Variants in CLYBL observed in about 807,000 individuals in gnomAD.
The protein encoded by CLYBL is citramalyl-CoA lyase, mitochondrial.
CLYBL carries 31 observed loss-of-function variants against 38.9 expected under a neutral mutation model. That is an observed-to-expected ratio of 0.80 (90% confidence interval 0.60 to 1.08). The LOEUF (loss-of-function observed/expected upper bound fraction) is 1.08, where lower values mean the gene tolerates loss of function less well. Among genes scored for constraint, CLYBL ranks in the 50% least tolerant of loss-of-function variants. The probability of loss-of-function intolerance (pLI) is 0.00; values close to 1 mark genes in which losing one functional copy is unlikely to be tolerated. For synonymous variants in CLYBL, 171 were observed against 158.6 expected (o/e 1.08, Z -0.59); for missense variants, 434 against 411.6 (o/e 1.05, Z -0.47).
Position 99,709,837 on chromosome 13 carries a change from G to A in CLYBL, c.63-62987G>A, listed in dbSNP as rs1004174478. ...AGAAGCAGCTTTGTGGAGTGAAGCAGTAGGAAAGAGCCTGTTGGGGAGAGA... is the reference window on the plus strand; with the variant it reads ...AGAAGCAGCTTTGTGGAGTGAAGCAATAGGAAAGAGCCTGTTGGGGAGAGA... On this transcript the variant is annotated intron_variant, in intron 1 of 8. Transcript: ENST00000339105. Among the ~76,000 whole-genome samples, 7 of 151,412 alleles carry A rather than the reference G, an allele frequency of 4.6e-5. 1 individual carries two copies. Among genetic ancestry groups the A allele is most frequent in the Non-Finnish European group, 5.9e-5 (4 of 67,886 alleles).
At chr13:99,714,977 A>G (rs1184672780) in intron 1 of CLYBL, among the ~76,000 whole-genome samples, 2 of 152,098 alleles carry the variant, frequency 1.3e-5, no homozygotes, top group Non-Finnish European at 2.9e-5. Flanking sequence ...AATAAAAAGG[A>G]GGAACGTAAC....
chr13:99,782,725 C>T lies in CLYBL; in HGVS notation c.249+9715C>T, dbSNP rs892640274. ...CCCTTCCTCCCTTACATTTTTGCTT[C>T]CTTTTTGCTTGGTATAAGTTGTGTT... On this transcript the variant is annotated intron_variant, in intron 2 of 8. Transcript: ENST00000339105. Among the ~76,000 whole-genome samples the T allele has an allele frequency of 7.9e-5, 12 of 152,080 alleles. No homozygotes were observed. The South Asian group carries it at 1.0e-3, about 13-fold the overall frequency.
chr13:99,658,601 G>A (rs1428476621), intron 1 of CLYBL, among the ~76,000 whole-genome samples: 1 of 152,172 alleles, frequency 6.6e-6, no homozygotes, highest in Admixed American at 6.5e-5. Context: ...GACAGGCCTC[G>A]GCCACAGGCA....
chr13:99,770,053 T>A (rs1327407808), intron 1 of CLYBL, among the ~76,000 whole-genome samples: 1 of 151,742 alleles, frequency 6.6e-6, no homozygotes, highest in Non-Finnish European at 1.5e-5. Flanking sequence ...GCCAGGGTTT[T>A]AACTTTTCTT....
In CLYBL at chr13:99,679,868, A is replaced by G. The variant is rs552673257; in HGVS notation, c.62+73111A>G. Among the ~76,000 whole-genome samples the G allele has an allele frequency of 2.6e-5, 4 of 152,266 alleles. No individual in the cohort carries two copies. The East Asian group carries it at 7.7e-4, about 29-fold the overall frequency. ...CGTTATTAAACGTCATTCAAAGGAA[A>G]TGTTTGGCCAACTAGATCCTGATGT... On this transcript the variant is annotated intron_variant, in intron 1 of 8. Coordinates refer to ENST00000339105, the MANE Select transcript of CLYBL (RefSeq NM_206808.5).
chr13:99,813,627 T>C (rs1307341526), intron 2 of CLYBL, among the ~76,000 whole-genome samples: 1 of 152,198 alleles, frequency 6.6e-6, no homozygotes, highest in African/African-American at 2.4e-5. Flanking sequence ...ACTAACTGAC[T>C]TCAGCAAGCT....
chr13:99,609,339 G>C (rs1040342633), intron 1 of CLYBL, among the ~76,000 whole-genome samples: 3 of 151,742 alleles, frequency 2.0e-5, no homozygotes, highest in Admixed American at 2.0e-4. Context: ...ACCACGTCCA[G>C]CTAATTTTTG....
intron 2 of CLYBL, among the ~76,000 whole-genome samples, chr13:99,822,672 A>G (rs988362583): frequency 2.1e-4 from 32 of 152,226 alleles, no homozygotes; most frequent in African/African-American, 6.3e-4. Context: ...ATGTGCTCAG[A>G]GAGTGATCAC....
intron 1 of CLYBL, among the ~76,000 whole-genome samples, chr13:99,732,114 A>C (rs1219321297): frequency 2.0e-5 from 3 of 149,950 alleles, no homozygotes; most frequent in Admixed American, 2.0e-4. Context: ...ATGTTCTTTA[A>C]AGACTAGTGA....
intron 1 of CLYBL, among the ~76,000 whole-genome samples, chr13:99,710,414 A>G (rs1254001113): frequency 1.3e-5 from 2 of 152,088 alleles, no homozygotes; most frequent in Non-Finnish European, 2.9e-5. Flanking sequence ...GCCCCAGTGG[A>G]GCTGGGGGAA....
At chr13:99,629,127 C>T (rs2046909160) in intron 1 of CLYBL, among the ~76,000 whole-genome samples, 1 of 152,122 alleles carries the variant, frequency 6.6e-6, no homozygotes, top group African/African-American at 2.4e-5. Context: ...TTCCAGTTCC[C>T]ATTTGGCTTA....
chr13:99,655,924 C>T (rs941717172), intron 1 of CLYBL, among the ~76,000 whole-genome samples: 3 of 152,116 alleles, frequency 2.0e-5, no homozygotes, highest in African/African-American at 4.8e-5. Flanking sequence ...CATGTGTAGG[C>T]GGCAGGGCGC....
chr13:99,767,872 C>T (rs1401243583), intron 1 of CLYBL, among the ~76,000 whole-genome samples: 4 of 152,172 alleles, frequency 2.6e-5, no homozygotes, highest in Non-Finnish European at 5.9e-5. Context: ...TTCACTTCTT[C>T]CTTTAGTTCT....
At chr13:99,762,528 G>A (rs1259434411) in intron 1 of CLYBL, among the ~76,000 whole-genome samples, 1 of 152,202 alleles carries the variant, frequency 6.6e-6, no homozygotes, top group Non-Finnish European at 1.5e-5. Flanking sequence ...CTATGTGCCT[G>A]TGTCTGTTTT....
intron 2 of CLYBL, among the ~76,000 whole-genome samples, chr13:99,790,432 G>A (rs979654324): frequency 1.3e-5 from 2 of 152,164 alleles, no homozygotes; most frequent in Non-Finnish European, 2.9e-5. Flanking sequence ...GTCTGTAAAG[G>A]ATTTTATTTC....
exon 10 of CLYBL, among the ~76,000 whole-genome samples, chr13:99,908,318 T>C (rs149270302): frequency 2.6e-5 from 4 of 152,252 alleles, no homozygotes; most frequent in African/African-American, 9.6e-5. Context: ...TGGAGGAGGG[T>C]AGCTCCCTGA....
intron 3 of CLYBL, among the ~76,000 whole-genome samples, chr13:99,860,457 G>A (rs890939424): frequency 6.6e-6 from 1 of 152,116 alleles, no homozygotes; most frequent in Non-Finnish European, 1.5e-5. Flanking sequence ...TCTCTCCAGG[G>A]TTACCCTCAG....
At chr13:99,739,398 G>A (rs898995156) in intron 1 of CLYBL, among the ~76,000 whole-genome samples, 5 of 152,126 alleles carry the variant, frequency 3.3e-5, no homozygotes, top group Admixed American at 6.5e-5. Context: ...AAAAATGATG[G>A]GTCGCGTTCT....
chr13:99,699,210 A>AC (rs1483430134), intron 1 of CLYBL, among the ~76,000 whole-genome samples: 2 of 151,670 alleles, frequency 1.3e-5, no homozygotes, highest in African/African-American at 4.9e-5. Flanking sequence ...ACATGGAGAA[A>AC]CCCCGTCTCT....
Sources: gnomAD v4.1 joint callset for allele counts (sites outside exome capture counted in the v4.1 genomes callset) on GRCh38, gnomAD v4.1.1 for gene constraint, MANE v1.5 for transcripts, NCBI Gene and HGNC (gene_info 2026-07-23, HGNC 2026-07-21) for gene names.